Variants in KANK1 observed in about 807,000 individuals in gnomAD.
The protein encoded by KANK1 is KN motif and ankyrin repeat domains 1.
A neutral mutation model predicts 106.2 loss-of-function variants in KANK1; 109 were observed. The observed-to-expected ratio is 1.03, with a 90% CI of 0.88 to 1.20. The LOEUF is 1.20. Ranked by LOEUF, KANK1 falls within the 50% of genes most tolerant of loss-of-function variation. The pLI is 0.00. For missense variants in KANK1, 2,399 were observed against 1,710.7 expected, an observed-to-expected ratio of 1.40 and a Z score of -7.10; for synonymous variants, 873 against 652.2, an observed-to-expected ratio of 1.34 and a Z score of -5.16.
At chr9:636,758 T>G (rs1052960736) in intron 1 of KANK1, among the ~76,000 whole-genome samples, 15 of 152,184 alleles carry the variant, frequency 9.9e-5, no homozygotes, top group Non-Finnish European at 2.9e-5. Context: ...TCCCAGCTAC[T>G]CAGGAGGCTG....
At position 511,029 on chromosome 9, in the gene KANK1, A is replaced by C. The variant is rs528052922; in HGVS notation, c.-84+6275A>C. 3.9e-4 allele frequency among the ~76,000 whole-genome samples: 60 copies of C among 152,354 alleles called. 1 individual carries two copies. The highest frequency in any genetic ancestry group is 6.8e-3 in the Middle Eastern group (2 of 294). ...ACTAGAAAGCTAAGAGTTCATAGGG[A>C]ATGAATGTATAATGATGCAAAATTG... On this transcript the variant is annotated intron_variant, in intron 1 of 11. Coordinates refer to ENST00000382297, the MANE Select transcript of KANK1 (RefSeq NM_015158.5).
At chr9:594,475 C>T (rs1348390434) in intron 1 of KANK1, among the ~76,000 whole-genome samples, 1 of 151,784 alleles carries the variant, frequency 6.6e-6, no homozygotes, top group African/African-American at 2.4e-5. Flanking sequence ...TTCTTTTTGA[C>T]TTTGTAAGTC....
In KANK1 at chr9:646,863, T is replaced by TC. The variant is rs1280895560; in HGVS notation, c.-83-30027_-83-30026insC. ...TGCATGCCACCACGCCTGGCTAATT[T>TC]TTTTTTGTATTTTTAGTAGAGACAG... On this transcript the variant is annotated intron_variant, in intron 1 of 11. Coordinates refer to ENST00000382297, the MANE Select transcript of KANK1 (RefSeq NM_015158.5). Among the ~76,000 whole-genome samples, 2 of 150,240 alleles carry TC rather than the reference T, an allele frequency of 1.3e-5. 1 individual carries two copies. The highest frequency in any genetic ancestry group is 5.0e-5 in the African/African-American group (2 of 39,810).
chr9:480,786 T>C (rs1315737442), intron 3 of KANK1, among the ~76,000 whole-genome samples: 2 of 152,238 alleles, frequency 1.3e-5, no homozygotes, highest in African/African-American at 2.4e-5. Context: ...GCTGAAGATC[T>C]GCAGATTAGG....
At chr9:568,175 C>T (rs563666401) in intron 1 of KANK1, among the ~76,000 whole-genome samples, 97 of 152,252 alleles carry the variant, frequency 6.4e-4, no homozygotes, top group African/African-American at 2.3e-3. Context: ...ACTACCTTAT[C>T]TATAATGCAT....
At chr9:742,180 A>C in intron 9 of KANK1, 25 bp from the exon 10 acceptor site, 1 of 1,609,994 alleles carries the variant, frequency 6.2e-7, no homozygotes, top group Non-Finnish European at 8.5e-7. Flanking sequence ...CGTACTTCTG[A>C]AGTCCTTGTC....
chr9:555,247 A>C (rs1054469637), intron 1 of KANK1, among the ~76,000 whole-genome samples: 1 of 152,164 alleles, frequency 6.6e-6, no homozygotes, highest in Non-Finnish European at 1.5e-5. Flanking sequence ...TGGCGATCTG[A>C]AGTCCTGAAG....
intron 7 of KANK1, among the ~76,000 whole-genome samples, chr9:737,452 T>C (rs1834092258): frequency 6.6e-6 from 1 of 152,228 alleles, no homozygotes; most frequent in Non-Finnish European, 1.5e-5. Context: ...TAAACTCATA[T>C]GAAGGCCCAT....
intron 3 of KANK1, among the ~76,000 whole-genome samples, chr9:713,686 C>A (rs569973381): frequency 7.9e-5 from 12 of 152,124 alleles, no homozygotes; most frequent in Non-Finnish European, 1.6e-4. Flanking sequence ...TGAGGACTAA[C>A]GCTGGAAGAA....
At chr9:603,728 G>A (rs1409384140) in intron 1 of KANK1, among the ~76,000 whole-genome samples, 1 of 151,596 alleles carries the variant, frequency 6.6e-6, no homozygotes, top group Admixed American at 6.6e-5. Context: ...GGTCGAGGCG[G>A]GCGGATCACC....
intron 2 of KANK1, among the ~76,000 whole-genome samples, chr9:697,295 C>T (rs1459223920): frequency 6.6e-6 from 1 of 152,120 alleles, no homozygotes; most frequent in Non-Finnish European, 1.5e-5. Flanking sequence ...TCTGCTCTTC[C>T]CCATGCAGAT....
chr9:645,290 A>G (rs1429194014), intron 1 of KANK1, among the ~76,000 whole-genome samples: 1 of 149,702 alleles, frequency 6.7e-6, no homozygotes, highest in Non-Finnish European at 1.5e-5. Flanking sequence ...AACTACAAAA[A>G]TTAGCAAGCC....
intron 1 of KANK1, among the ~76,000 whole-genome samples, chr9:651,218 G>T (rs1271456694): frequency 6.6e-6 from 1 of 152,164 alleles, no homozygotes; most frequent in African/African-American, 2.4e-5. Flanking sequence ...TTTTATTTCT[G>T]TAAGAGCACC....
rs955781507 is a variant in KANK1, at chr9:603,148, T to C, written c.-83-73742T>C. On this transcript the variant is annotated intron_variant, in intron 1 of 11. Coordinates refer to ENST00000382297, the MANE Select transcript of KANK1 (RefSeq NM_015158.5). ...TCAGGATTTGAAAGATGAATCTTTT[T>C]CAAGGATGTTTTTCCTCTGGACCGT... is the stretch of plus-strand genomic sequence containing the variant. Among the ~76,000 whole-genome samples the C allele has an allele frequency of 2.0e-5, 3 of 151,866 alleles. No individual in the cohort carries two copies. The East Asian group carries it at 5.8e-4, about 29-fold the overall frequency.
chr9:725,049 T>C (rs1263443162), intron 3 of KANK1, among the ~76,000 whole-genome samples: 3 of 152,130 alleles, frequency 2.0e-5, no homozygotes. Context: ...TGTGTGTATG[T>C]GTGTTGAGGA....
chr9:684,144 A>G lies in KANK1; in HGVS notation c.37+7135A>G, dbSNP rs527887090. On this transcript the variant is annotated intron_variant, in intron 2 of 11. Coordinates refer to ENST00000382297, the MANE Select transcript of KANK1 (RefSeq NM_015158.5). ...CATAAACTCTTAAGGCTTTGTTTTA[A>G]CCTGTAGCCAGCTTCGCCTTATAAG... The G allele has an allele frequency of 7.1e-6, 7 of 984,412 alleles. No individual in the cohort carries two copies. The East Asian group carries it at 8.0e-4, about 112-fold the overall frequency. 61.0% of individuals were successfully genotyped at this position (984,412 alleles called of 1,614,324 possible). A position where few individuals can be genotyped will look rare whatever the true frequency, so the allele number is the denominator to read the frequency against.
intron 1 of KANK1, among the ~76,000 whole-genome samples, chr9:556,533 A>G (rs2061594293): frequency 6.6e-6 from 1 of 152,210 alleles, no homozygotes; most frequent in African/African-American, 2.4e-5. Flanking sequence ...AATTTGAGGA[A>G]TTAGATACAA....
chr9:627,224 T>C (rs562813935), intron 1 of KANK1, among the ~76,000 whole-genome samples: 37 of 152,282 alleles, frequency 2.4e-4, no homozygotes, highest in Middle Eastern at 3.4e-3. Context: ...AAACCTGTGA[T>C]GGATGAGGGC....
intron 2 of KANK1, among the ~76,000 whole-genome samples, chr9:472,109 T>TA (rs1379725324): frequency 1.3e-5 from 2 of 152,190 alleles, no homozygotes; most frequent in African/African-American, 4.8e-5. Context: ...AAATGGCTGA[T>TA]AAAAAAACTT....
Sources: allele counts gnomAD v4.1 joint callset (sites outside exome capture counted in the v4.1 genomes callset), GRCh38; gene constraint gnomAD v4.1.1; transcripts MANE v1.5; gene names NCBI Gene and HGNC (gene_info 2026-07-23, HGNC 2026-07-21).